LATS2: variants seen among roughly 807,000 people sequenced by gnomAD.
LATS2 encodes serine/threonine-protein kinase LATS2.
In LATS2, 24 loss-of-function variants were observed where a neutral mutation model predicts 76.0. The observed-to-expected ratio is 0.32, with a 90% CI of 0.23 to 0.44. The LOEUF is 0.44. Ranked by LOEUF, LATS2 falls within the 20% of genes least tolerant of loss-of-function variation. LATS2 has a pLI of 1.00. For synonymous variants in LATS2, 692 were observed against 635.4 expected (o/e 1.09, Z -1.34); for missense variants, 1,286 against 1,481.2 (o/e 0.87, Z 2.16).
intron 2 of LATS2, among the ~76,000 whole-genome samples, chr13:21,020,894 C>T (rs150596037): frequency 1.3e-5 from 2 of 152,284 alleles, no homozygotes; most frequent in East Asian, 1.9e-4. Context: ...CCAGACTGGA[C>T]CAAGGACACA....
chr13:21,014,939 T>C (rs2138348074), intron 2 of LATS2, among the ~76,000 whole-genome samples: 1 of 152,306 alleles, frequency 6.6e-6, no homozygotes, highest in African/African-American at 2.4e-5. Context: ...TGACAGCATG[T>C]TTGTTGGCAG....
At chr13:21,035,110 CAAGAA>C (rs1872651192) in intron 2 of LATS2, among the ~76,000 whole-genome samples, 1 of 151,772 alleles carries the variant, frequency 6.6e-6, no homozygotes, top group East Asian at 1.9e-4. Context: ...AACAAAAAAG[CAAGAA>C]AAGAAATCTA....
chr13:21,000,237 C>T (rs1337072755), intron 2 of LATS2, among the ~76,000 whole-genome samples: 6 of 151,622 alleles, frequency 4.0e-5, no homozygotes, highest in South Asian at 2.1e-4. Context: ...AAAAATTAGC[C>T]GGGAGTGGTA....
chr13:21,039,969 A>G lies in LATS2; in HGVS notation c.342+5716T>C, dbSNP rs1254499271. On this transcript the variant is annotated intron_variant, in intron 2 of 7. Transcript: ENST00000382592. ...ATGCCTGTAATCCCAGCTACTTGGG[A>G]GGCTGAGGCAGGAGAATCACTTGAA... 3.9e-5 allele frequency among the ~76,000 whole-genome samples: 6 copies of G among 152,154 alleles called. No homozygotes were observed. The East Asian group carries it at 7.7e-4, about 20-fold the overall frequency.
At chr13:21,007,531 GATATATATATAT>G (rs142095268) in intron 2 of LATS2, among the ~76,000 whole-genome samples, 185 of 15,488 alleles carry the variant, frequency 0.012, 29 homozygotes, top group East Asian at 0.057. Flanking sequence ...GTAGGGGATG[GATATATATATAT>G]AGTATATATA....
intron 1 of LATS2, among the ~76,000 whole-genome samples, chr13:21,049,694 G>A (rs556659230): frequency 6.6e-6 from 1 of 152,296 alleles, no homozygotes; most frequent in African/African-American, 2.4e-5. Flanking sequence ...CCATGAGAAA[G>A]TTCCATGTTA....
intron 4 of LATS2, 87 bp from the exon 5 acceptor site, chr13:20,983,893 G>C (rs1870024950): frequency 4.0e-6 from 4 of 999,840 alleles, no homozygotes; most frequent in Non-Finnish European, 6.0e-6. Flanking sequence ...CCCTGGAACT[G>C]AGAGGAACCT....
rs1371161882 is a variant in LATS2, at chr13:21,023,661, AAAAAAAAAAAAAAAAAAAAAAAC to A, written c.342+22001_342+22023del. 1.5e-3 allele frequency among the ~76,000 whole-genome samples: 58 copies of A among 37,726 alleles called. 1 individual carries two copies. The highest frequency in any genetic ancestry group is 7.2e-3 in the South Asian group (4 of 552). The allele number at this position is 37,726 out of a possible 152,430, so 24.7% of individuals were successfully genotyped here. On this transcript the variant is annotated intron_variant, in intron 2 of 7. Coordinates refer to ENST00000382592, the MANE Select transcript of LATS2 (RefSeq NM_014572.3). ...TGACTGGCTTTAAAAAAAAAAAAAAAAAAAAAAAAAAAAAAAAAAAAACAAACCTCGGCCGGGCGCAGTGGCTG... is the reference window on the plus strand; with the variant it reads ...TGACTGGCTTTAAAAAAAAAAAAAAAAAACCTCGGCCGGGCGCAGTGGCTG...
intron 2 of LATS2, among the ~76,000 whole-genome samples, chr13:21,007,956 G>C (rs1382489616): frequency 6.7e-6 from 1 of 150,194 alleles, no homozygotes; most frequent in Non-Finnish European, 1.5e-5. Flanking sequence ...GACAGGGTTT[G>C]CCATGTTGTC....
chr13:21,021,517 G>C (rs1872064411), intron 2 of LATS2, among the ~76,000 whole-genome samples: 1 of 134,854 alleles, frequency 7.4e-6, no homozygotes, highest in South Asian at 2.4e-4. Flanking sequence ...TTTGTAAAAG[G>C]CATTTCTGAT....
At chr13:21,034,471 C>T (rs550524286) in intron 2 of LATS2, among the ~76,000 whole-genome samples, 2 of 152,178 alleles carry the variant, frequency 1.3e-5, no homozygotes, top group African/African-American at 4.8e-5. Context: ...AGAGCCGGCA[C>T]GTCCTTCCCT....
intron 1 of LATS2, among the ~76,000 whole-genome samples, chr13:21,055,561 C>T (rs534408220): frequency 6.6e-6 from 1 of 152,314 alleles, no homozygotes; most frequent in South Asian, 2.1e-4. Context: ...TTTGGTCCTA[C>T]CAAACCCAAT....
chr13:20,980,475 G>A (rs1019917137), intron 6 of LATS2, among the ~76,000 whole-genome samples: 1 of 152,186 alleles, frequency 6.6e-6, no homozygotes, highest in African/African-American at 2.4e-5. Flanking sequence ...AGTATAAACT[G>A]GGATGTTAAG....
chr13:20,985,045 C>T (rs986479591), intron 4 of LATS2, among the ~76,000 whole-genome samples: 1 of 152,096 alleles, frequency 6.6e-6, no homozygotes, highest in East Asian at 1.9e-4. Context: ...CAAGAATGTA[C>T]ACTGAAAAAG....
chr13:20,988,877 G>A lies in LATS2; in HGVS notation c.903C>T (p.Gly301=). Residue 301 remains glycine, a synonymous_variant, in exon 4 of 8, where the codon GGC becomes GGT. Transcript: ENST00000382592. The part of the protein sequence containing the change: ...TKGQGGPPGA[G]LAFPPPAAGL... ...CGGCGGCAGGGGGTGGGAAAGCGAG[G>A]CCGGCGCCTGGCGGTCCTCCCTGGC... 1 of 1,561,504 alleles carries A rather than the reference G, an allele frequency of 6.4e-7. No homozygotes were observed. Among genetic ancestry groups the A allele is most frequent in the Admixed American group, 1.9e-5 (1 of 53,540 alleles).
At position 20,988,256 on chromosome 13, in the gene LATS2, G is replaced by C. The variant is rs1397048263; in HGVS notation, c.1524C>G (p.Gly508=). 6.2e-7 allele frequency: 1 copy of C among 1,600,104 alleles called. No individual in the cohort carries two copies. Among genetic ancestry groups the C allele is most frequent in the South Asian group, 1.1e-5 (1 of 90,798 alleles). The change falls in exon 4 of 8, where the codon GGC becomes GGG. Residue 508 remains glycine (G), a synonymous_variant. Transcript: ENST00000382592. ...GCGGAGGCGGGCACCTCCGGTCTGG[G>C]CCTCCGTACTCCACGTCCAGCGGGA... The part of the protein sequence containing the change: ...GAFPLDVEYG[G]PDRRCPPPPY...
intron 4 of LATS2, among the ~76,000 whole-genome samples, chr13:20,985,431 TAA>T (rs1870097728): frequency 6.6e-6 from 1 of 152,156 alleles, no homozygotes; most frequent in Non-Finnish European, 1.5e-5. Flanking sequence ...AAATATCAAA[TAA>T]TCCCATTAAA....
At chr13:21,047,419 C>T (rs9509502) in intron 1 of LATS2, among the ~76,000 whole-genome samples, 104,920 of 151,988 alleles carry the variant, frequency 0.69, 38,024 homozygotes, top group Non-Finnish European at 0.82. Flanking sequence ...GCTGCTCTAA[C>T]CCAGGGAAGG....
At chr13:21,034,985 C>T (rs2138385796) in intron 2 of LATS2, among the ~76,000 whole-genome samples, 1 of 152,230 alleles carries the variant, frequency 6.6e-6, no homozygotes, top group Admixed American at 6.5e-5. Flanking sequence ...AATCCCAACA[C>T]TTTGGTAGGC....
Sources: gnomAD v4.1 joint callset for allele counts (sites outside exome capture counted in the v4.1 genomes callset) on GRCh38, gnomAD v4.1.1 for gene constraint, MANE v1.5 for transcripts, NCBI Gene and HGNC (gene_info 2026-07-23, HGNC 2026-07-21) for gene names.